IFT140: variants seen among roughly 807,000 people sequenced by gnomAD.
IFT140 encodes intraflagellar transport 140, also known as intraflagellar transport protein 140 homolog.
A neutral mutation model predicts 164.6 loss-of-function variants in IFT140; 133 were observed. That is an observed-to-expected ratio of 0.81 (90% CI 0.70 to 0.93). The LOEUF is 0.93. IFT140 is among the 40% of genes least tolerant of loss of function. The pLI, the probability that IFT140 is intolerant of heterozygous loss-of-function variation, is 0.00. For missense variants in IFT140, 2,045 were observed against 1,972.3 expected, an observed-to-expected ratio of 1.04 and a Z score of -0.70; for synonymous variants, 860 against 817.3, an observed-to-expected ratio of 1.05 and a Z score of -0.89.
intron 3 of IFT140, 139 bp from the exon 4 acceptor site, chr16:1,602,730 A>T: frequency 1.3e-6 from 1 of 742,800 alleles, no homozygotes; most frequent in South Asian, 1.7e-5. Context: ...TCACAAAGTC[A>T]GGAGTTCGAG....
At chr16:1,528,303 CCACA>C (rs147916170) in intron 19 of IFT140, among the ~76,000 whole-genome samples, 11 of 150,606 alleles carry the variant, frequency 7.3e-5, no homozygotes, top group Non-Finnish European at 1.0e-4. Context: ...CCCACCAAAG[CCACA>C]CACACACGCA....
intron 19 of IFT140, among the ~76,000 whole-genome samples, chr16:1,536,495 CCCTCAGTGAA>C (rs2031085085): frequency 6.6e-6 from 1 of 152,224 alleles, no homozygotes; most frequent in Non-Finnish European, 1.5e-5. Flanking sequence ...AGGTGGCTGA[CCCTCAGTGAA>C]CCTGAGCAGC....
chr16:1,541,711 C>A (rs1348595057), intron 19 of IFT140, among the ~76,000 whole-genome samples: 1 of 152,028 alleles, frequency 6.6e-6, no homozygotes, highest in Non-Finnish European at 1.5e-5. Context: ...CTGGGATGAA[C>A]CCTTCCCATC....
chr16:1,560,682 C>A (rs1213226345), intron 18 of IFT140, among the ~76,000 whole-genome samples: 1 of 152,214 alleles, frequency 6.6e-6, no homozygotes, highest in Non-Finnish European at 1.5e-5. Context: ...GGGGTCTACG[C>A]TCCCTCTGTC....
chr16:1,517,840 ATTTT>A (rs140973122), intron 30 of IFT140, among the ~76,000 whole-genome samples: 3 of 150,298 alleles, frequency 2.0e-5, no homozygotes, highest in Non-Finnish European at 3.0e-5. Context: ...CTACCGACAG[ATTTT>A]TTTTTTCTTT....
Position 1,591,435 on chromosome 16 carries a change from C to T in IFT140, c.634+741G>A, listed in dbSNP as rs572388924. On this transcript the variant is annotated intron_variant, in intron 6 of 30. Transcript: ENST00000426508. ...TACAAAAACCACACAGCCCCGTCTG[C>T]TCTCATCTGCTCTCTTCTTCCTGTC... is the stretch of plus-strand genomic sequence containing the variant. Among the ~76,000 whole-genome samples, 4 of 152,316 alleles carry T rather than the reference C, an allele frequency of 2.6e-5. No individual in the cohort carries two copies. The East Asian group carries it at 7.7e-4, about 29-fold the overall frequency.
intron 14 of IFT140, among the ~76,000 whole-genome samples, chr16:1,571,112 C>T (rs910091086): frequency 2.6e-5 from 4 of 152,138 alleles, no homozygotes; most frequent in Non-Finnish European, 1.5e-5. Context: ...CACCATAAAG[C>T]GCTATGATTT....
rs577704654 is a variant in IFT140 at position 1,564,278 on chromosome 16, C to T, written c.1902-116G>A. 27 of 812,360 alleles carry T rather than the reference C, an allele frequency of 3.3e-5. No individual in the cohort carries two copies. Among genetic ancestry groups the T allele is most frequent in the African/African-American group, 2.5e-4 (14 of 56,134 alleles). The allele number at this position is 812,360 out of a possible 1,614,324, so 50.3% of individuals were successfully genotyped here. A position where few individuals can be genotyped will look rare whatever the true frequency, so the allele number is the denominator to read the frequency against. ...GCTGTCCCAGACCATGGTGTCCACG[C>T]GCTCAGCTCTGGGAGAACTTTTGGG... On this transcript the variant is annotated intron_variant, in intron 16 of 30. Transcript: ENST00000426508. This position sits in a 1 kb window ranked among gnomAD's most constrained non-coding sequence, Gnocchi z 5.5.
intron 21 of IFT140, 30 bp downstream of exon 21, chr16:1,525,857 C>A (rs755343693): frequency 2.7e-6 from 4 of 1,496,252 alleles, no homozygotes; most frequent in Non-Finnish European, 3.6e-6. Flanking sequence ...TCCAGAGAGG[C>A]AGGGAAGAGG....
chr16:1,599,993 G>A (rs1344386727), intron 4 of IFT140, among the ~76,000 whole-genome samples: 15 of 144,520 alleles, frequency 1.0e-4, no homozygotes, highest in African/African-American at 4.0e-4. Context: ...TGACAATGGC[G>A]GCTTTGTGGA....
chr16:1,563,272 G>A (rs891012588), intron 17 of IFT140, among the ~76,000 whole-genome samples: 1 of 151,810 alleles, frequency 6.6e-6, no homozygotes, highest in African/African-American at 2.4e-5. Flanking sequence ...CTGAACTCAG[G>A]GTATCAACAC....
chr16:1,513,681 T>C (rs7196776), intron 30 of IFT140, among the ~76,000 whole-genome samples: 1 of 150,738 alleles, frequency 6.6e-6, no homozygotes, highest in African/African-American at 2.4e-5. Context: ...CTTTTTTTTT[T>C]TTTCTTTTTT....
Position 1,566,255 on chromosome 16 carries a change from C to A in IFT140, c.1807G>T (p.Asp603Tyr). Reference protein sequence around the residue: ...NSPDSKICFYDVEMDTVTVFD... With the variant: ...NSPDSKICFYYVEMDTVTVFD... The stretch of plus-strand genomic sequence containing the variant: ...ACGGTCACTGTGTCCATTTCAACAT[C>A]GTAGAAGCAGATTTTGGAATCAGGG... The change falls in exon 16 of 31, where the codon GAT becomes TAT. Residue 603 changes from aspartate (D) to tyrosine (Y), a missense_variant. Coordinates refer to ENST00000426508, the MANE Select transcript of IFT140 (RefSeq NM_014714.4). 1 of 1,613,730 alleles carries A rather than the reference C, an allele frequency of 6.2e-7. No individual in the cohort carries two copies. Among genetic ancestry groups the A allele is most frequent in the Non-Finnish European group, 8.5e-7 (1 of 1,179,732 alleles).
chr16:1,558,597 G>A (rs922095124), intron 18 of IFT140, among the ~76,000 whole-genome samples: 3 of 152,200 alleles, frequency 2.0e-5, no homozygotes, highest in Non-Finnish European at 2.9e-5. Flanking sequence ...CCTCACCTGG[G>A]CATCTTCTTA....
At chr16:1,557,007 C>T (rs771993209) in intron 19 of IFT140, among the ~76,000 whole-genome samples, 14 of 152,070 alleles carry the variant, frequency 9.2e-5, no homozygotes, top group African/African-American at 2.2e-4. Context: ...GATGGGGGGG[C>T]GGTTCTCCAT....
chr16:1,534,628 G>C, intron 19 of IFT140: 1 of 1,590,062 alleles, frequency 6.3e-7, no homozygotes, highest in Non-Finnish European at 8.5e-7. Flanking sequence ...GTTAGGCGCG[G>C]ACCTGGTGAG....
intron 19 of IFT140, chr16:1,557,659 G>T: frequency 4.8e-6 from 2 of 418,178 alleles, no homozygotes; most frequent in South Asian, 7.6e-5. Flanking sequence ...TTCCCAGAGG[G>T]ATGGGTATTA....
In IFT140 at chr16:1,510,933, G is replaced by A. The variant is rs372243759; in HGVS notation, c.*11C>T. 3.7e-6 allele frequency: 6 copies of A among 1,607,802 alleles called. No homozygotes were observed. The highest frequency in any genetic ancestry group is 2.0e-4 in the Middle Eastern group (1 of 5,002). ...TCTGCAGCAGCACGCTGGTCCTGGG[G>A]CCCAGGCCCCTCAGGGGTCGTCATC... On this transcript the variant is annotated 3_prime_UTR_variant, in exon 31 of 31. Transcript: ENST00000426508.
Position 1,562,219 on chromosome 16 carries a change from C to T in IFT140, c.2068-103G>A, listed in dbSNP as rs145063120. On this transcript the variant is annotated intron_variant, in intron 17 of 30. Coordinates refer to ENST00000426508, the MANE Select transcript of IFT140 (RefSeq NM_014714.4). The stretch of plus-strand genomic sequence containing the variant: ...TACACACACTGCGTCACGGTGGGGT[C>T]GTTGCTACACACTGCGTCATGGTGG... 1.9e-4 allele frequency: 181 copies of T among 967,630 alleles called. 2 individuals carry two copies. The East Asian group carries it at 4.7e-3, about 25-fold the overall frequency. The allele number at this position is 967,630 out of a possible 1,614,324, so 59.9% of individuals were successfully genotyped here. A position where few individuals can be genotyped will look rare whatever the true frequency, so the allele number is the denominator to read the frequency against.
Sources: allele counts gnomAD v4.1 joint callset (sites outside exome capture counted in the v4.1 genomes callset), GRCh38; gene constraint gnomAD v4.1.1; non-coding constraint Gnocchi (gnomAD v3.1); transcripts MANE v1.5; gene names NCBI Gene and HGNC (gene_info 2026-07-23, HGNC 2026-07-21).